PADI2: variants seen among roughly 807,000 people sequenced by gnomAD.
PADI2 encodes the protein peptidyl arginine deiminase 2, also known as protein-arginine deiminase type-2.
PADI2 carries 70 observed loss-of-function variants against 81.1 expected under a neutral mutation model. The observed-to-expected ratio is 0.86, with a 90% CI of 0.71 to 1.05. The LOEUF (loss-of-function observed/expected upper bound fraction) is 1.05, where lower values mean the gene tolerates loss of function less well. PADI2 is among the 50% of genes least tolerant of loss of function. The pLI is 0.00. For missense variants in PADI2, 853 were observed against 889.9 expected (o/e 0.96, Z 0.53); for synonymous variants, 338 against 358.0 (o/e 0.94, Z 0.63).
chr1:17,087,478 A>ATATT (rs1930514187), intron 6 of PADI2, among the ~76,000 whole-genome samples: 1 of 135,938 alleles, frequency 7.4e-6, no homozygotes, highest in African/African-American at 2.7e-5. Flanking sequence ...CAGTCTTTTT[A>ATATT]TGTTTGTTTG....
In PADI2 at chr1:17,071,423, C is replaced by T. The variant is rs752923211; in HGVS notation, c.1618G>A (p.Glu540Lys). The change falls in exon 14 of 16, where the codon GAG becomes AAG. Residue 540 changes from glutamate to lysine, a missense_variant. Coordinates refer to ENST00000375486, the MANE Select transcript of PADI2 (RefSeq NM_007365.3). ...KILSNESLVQ[E>K]NLYFQRCLDW... ...GCCCTCACCTGGAAGTACAGGTTCT[C>T]CTGCACAAGGCTCTCGTTGGACAGA... 1 of 1,613,894 alleles carries T rather than the reference C, an allele frequency of 6.2e-7. No homozygotes were observed. The highest frequency in any genetic ancestry group is 1.1e-5 in the South Asian group (1 of 91,080).
intron 1 of PADI2, among the ~76,000 whole-genome samples, chr1:17,109,983 C>T (rs1220298966): frequency 1.3e-5 from 2 of 152,218 alleles, no homozygotes; most frequent in African/African-American, 4.8e-5. Flanking sequence ...AGGGTTAACG[C>T]CCAGCCCACA....
At chr1:17,099,395 C>G (rs1451192610) in intron 3 of PADI2, among the ~76,000 whole-genome samples, 2 of 152,130 alleles carry the variant, frequency 1.3e-5, no homozygotes, top group African/African-American at 4.8e-5. Flanking sequence ...CCTCCCTCCC[C>G]ACACCTCACC....
intron 3 of PADI2, among the ~76,000 whole-genome samples, chr1:17,097,833 C>T (rs1023129163): frequency 2.6e-5 from 4 of 152,236 alleles, no homozygotes; most frequent in African/African-American, 9.6e-5. Context: ...AACTTTCCAG[C>T]CGGTCACGTC....
At chr1:17,104,650 G>A (rs1931291381) in intron 2 of PADI2, among the ~76,000 whole-genome samples, 1 of 151,908 alleles carries the variant, frequency 6.6e-6, no homozygotes, top group Non-Finnish European at 1.5e-5. Flanking sequence ...AGCCAGGATG[G>A]TCTCGATCTC....
Position 17,068,310 on chromosome 1 carries a change from G to C in PADI2, c.*734C>G, listed in dbSNP as rs902503648. On this transcript the variant is annotated 3_prime_UTR_variant, in exon 16 of 16. Transcript: ENST00000375486. ...GAACTCTCAGGTCACAAGTATGCTG[G>C]TCTGGGGAGAAATCCCCATGCATGC... is the stretch of plus-strand genomic sequence containing the variant. 2.0e-5 allele frequency: 3 copies of C among 152,786 alleles called. No homozygotes were observed. In the East Asian group the frequency reaches 5.8e-4, roughly 29 times the overall value. The allele number at this position is 152,786 out of a possible 1,614,324, so 9.5% of individuals were successfully genotyped here. A position where few individuals can be genotyped will look rare whatever the true frequency, so the allele number is the denominator to read the frequency against.
intron 7 of PADI2, 96 bp downstream of exon 7, chr1:17,086,425 A>T: frequency 9.5e-7 from 1 of 1,054,328 alleles, no homozygotes; most frequent in Non-Finnish European, 1.3e-6. Context: ...TGGCGCTTTG[A>T]GCAGGGTGGA....
intron 6 of PADI2, among the ~76,000 whole-genome samples, chr1:17,092,061 T>C (rs960327245): frequency 6.6e-6 from 1 of 152,070 alleles, no homozygotes; most frequent in African/African-American, 2.4e-5. Flanking sequence ...AAGTCAGAGA[T>C]GGCAGAAAAT....
At chr1:17,118,662 C>A (rs182034196) in intron 1 of PADI2, among the ~76,000 whole-genome samples, 1 of 152,354 alleles carries the variant, frequency 6.6e-6, no homozygotes, top group Admixed American at 6.5e-5. Flanking sequence ...TATTGTCCCT[C>A]TGTGGTCTCA....
chr1:17,100,034 G>C (rs548484181), intron 3 of PADI2, among the ~76,000 whole-genome samples: 1 of 107,010 alleles, frequency 9.3e-6, no homozygotes, highest in African/African-American at 4.0e-5. Flanking sequence ...AGCCTCTCAA[G>C]ATATTGGGGT....
Position 17,092,537 on chromosome 1 carries a change from A to T in PADI2, c.530-4T>A, listed in dbSNP as rs1302902637. 5 of 1,580,540 alleles carry T rather than the reference A, an allele frequency of 3.2e-6. No homozygotes were observed. The highest frequency in any genetic ancestry group is 4.3e-6 in the Non-Finnish European group (5 of 1,164,492). On this transcript the variant is annotated splice_polypyrimidine_tract_variant and splice_region_variant and intron_variant, in intron 5 of 15. Transcript: ENST00000375486. ...ATCTGGGACATGTCCTTGAGATCTG[A>T]GGGACAGAAGGTGAGAATGAAGAGA... is the stretch of plus-strand genomic sequence containing the variant.
chr1:17,108,936 G>A (rs890444251), intron 1 of PADI2, among the ~76,000 whole-genome samples: 2 of 152,212 alleles, frequency 1.3e-5, no homozygotes, highest in Admixed American at 1.3e-4. Flanking sequence ...TCTCAGCTTT[G>A]CCCATCAACA....
At position 17,074,884 on chromosome 1, in the gene PADI2, G is replaced by A. The variant is rs763728279; in HGVS notation, c.1521C>T (p.Asp507=). 1.6e-5 allele frequency: 26 copies of A among 1,612,644 alleles called. No individual in the cohort carries two copies. Among genetic ancestry groups the A allele is most frequent in the Non-Finnish European group, 1.7e-5 (20 of 1,179,264 alleles). The change falls in exon 13 of 16, where the codon GAC becomes GAT. Residue 507 remains aspartate, a synonymous_variant. Coordinates refer to ENST00000375486, the MANE Select transcript of PADI2 (RefSeq NM_007365.3). ...CYKLFREKQK[D]GHGEAIMFKG... ...TGAACATGATGGCCTCTCCATGGCC[G>A]TCCTTCTGCTTCTCTCGGAAGAGCT...
At chr1:17,096,176 C>T (rs1279708392) in intron 3 of PADI2, among the ~76,000 whole-genome samples, 2 of 152,190 alleles carry the variant, frequency 1.3e-5, no homozygotes, top group Admixed American at 6.5e-5. Flanking sequence ...GTGTGGACCT[C>T]GTAGCTTACG....
In PADI2 at chr1:17,094,140, A is replaced by C. The variant is rs771481541; in HGVS notation, c.412-456T>G. On this transcript the variant is annotated intron_variant, in intron 4 of 15. Transcript: ENST00000375486. ...CCACTTTCTACACTGCAGCCATAGCACTACTAGAACAAACTCGGGCCAGAT... is the reference window on the plus strand; with the variant it reads ...CCACTTTCTACACTGCAGCCATAGCCCTACTAGAACAAACTCGGGCCAGAT... Among the ~76,000 whole-genome samples the C allele has an allele frequency of 4.6e-5, 7 of 152,258 alleles. 1 individual carries two copies. In the South Asian group the frequency reaches 1.2e-3, roughly 27 times the overall value.
Position 17,086,675 on chromosome 1 carries a change from A to C in PADI2, c.680T>G (p.Ile227Ser). ...VENPFFGQRY[I>S]HILGRRKLYH... is the part of the protein sequence containing the mutation. Reference sequence around the variant, plus strand: ...GAGCTTCCGCCGGCCCAGGATGTGGATATAGCGTTGGCCGAAGAACGGGTC... The same window carrying C: ...GAGCTTCCGCCGGCCCAGGATGTGGCTATAGCGTTGGCCGAAGAACGGGTC... Residue 227 changes from isoleucine (I) to serine (S), a missense_variant, in exon 7 of 16, where the codon ATC (isoleucine) becomes AGC (serine). Ile to Ser is a moderately radical substitution (Grantham distance 142, BLOSUM62 -2). Coordinates refer to ENST00000375486, the MANE Select transcript of PADI2 (RefSeq NM_007365.3). 6.2e-7 allele frequency: 1 copy of C among 1,614,004 alleles called. No individual in the cohort carries two copies. The highest frequency in any genetic ancestry group is 8.5e-7 in the Non-Finnish European group (1 of 1,180,022).
rs541308608 is a variant in PADI2, at chr1:17,079,364, T to A, written c.1210A>T (p.Ser404Cys). Residue 404 changes from serine to cysteine, a missense_variant, in exon 11 of 16, where the codon AGC becomes TGC. By Grantham distance (112) the Ser-to-Cys change is moderately radical. Transcript: ENST00000375486. ...TCCAGGTTTCCAAATGAGTCAAGGC[T>A]GGTGACAGACTCAAAGAGGGGCTCC... ...TREPLFESVT[S>C]LDSFGNLEVS... 1.2e-6 allele frequency: 2 copies of A among 1,614,050 alleles called. No homozygotes were observed. The highest frequency in any genetic ancestry group is 2.7e-5 in the African/African-American group (2 of 75,054).
At chr1:17,094,957 T>C (rs1034982214) in intron 4 of PADI2, among the ~76,000 whole-genome samples, 21 of 152,142 alleles carry the variant, frequency 1.4e-4, no homozygotes, top group Non-Finnish European at 1.2e-4. Context: ...AGAAGGGACT[T>C]CCCCACATGG....
At chr1:17,096,186 G>A (rs527824332) in intron 3 of PADI2, among the ~76,000 whole-genome samples, 90 of 152,268 alleles carry the variant, frequency 5.9e-4, no homozygotes, top group Admixed American at 5.9e-4. Context: ...CGTAGCTTAC[G>A]GCTGCAAGAG....
Sources: gnomAD v4.1 joint callset for allele counts (sites outside exome capture counted in the v4.1 genomes callset) on GRCh38, gnomAD v4.1.1 for gene constraint, MANE v1.5 for transcripts, NCBI Gene and HGNC (gene_info 2026-07-23, HGNC 2026-07-21) for gene names.